Variants in STARD13 observed in about 807,000 individuals in gnomAD.
The protein encoded by STARD13 is stAR-related lipid transfer protein 13.
Under a neutral mutation model 106.4 loss-of-function variants are expected in STARD13, and 62 were observed. That is an observed-to-expected ratio of 0.58 (90% confidence interval 0.48 to 0.72). The LOEUF is 0.72. Among genes scored for constraint, STARD13 ranks in the 30% least tolerant of loss-of-function variants. STARD13 has a pLI of 0.00. For missense variants in STARD13, 1,387 were observed against 1,424.0 expected (o/e 0.97, Z 0.42); for synonymous variants, 565 against 553.0 (o/e 1.02, Z -0.31).
intron 1 of STARD13, among the ~76,000 whole-genome samples, chr13:33,234,096 G>A (rs140052490): frequency 3.0e-4 from 46 of 152,278 alleles, no homozygotes; most frequent in African/African-American, 9.9e-4. Flanking sequence ...TATAGCATAC[G>A]TACAAATAGA....
At chr13:33,651,944 T>C in the STARD13 span, among the ~76,000 whole-genome samples, 1 of 152,206 alleles carries the variant, frequency 6.6e-6, no homozygotes, top group Non-Finnish European at 1.5e-5. Flanking sequence ...CCAGATCAGC[T>C]GTCTGGCGAA....
chr13:33,235,628 A>G (rs1316729681), intron 1 of STARD13, among the ~76,000 whole-genome samples: 2 of 152,238 alleles, frequency 1.3e-5, no homozygotes, highest in Non-Finnish European at 2.9e-5. Context: ...TTACCAGAAA[A>G]GTCTGGTAGC....
the STARD13 span, among the ~76,000 whole-genome samples, chr13:33,510,062 A>G: frequency 5.3e-5 from 8 of 152,172 alleles, no homozygotes; most frequent in Non-Finnish European, 1.2e-4. Flanking sequence ...ATCAATCTTC[A>G]GTGGTTGCCC....
At chr13:33,661,625 G>A in the STARD13 span, among the ~76,000 whole-genome samples, 1 of 152,212 alleles carries the variant, frequency 6.6e-6, no homozygotes, top group African/African-American at 2.4e-5. Flanking sequence ...GAGAGAGAAT[G>A]AGTGCCAGCA....
chr13:33,434,352 C>CAAAAAAAAA, the STARD13 span, among the ~76,000 whole-genome samples: 14 of 70,278 alleles, frequency 2.0e-4, no homozygotes, highest in East Asian at 4.2e-4. Context: ...GACTCTGTCT[C>CAAAAAAAAA]AAAAAAAAAA....
At chr13:33,377,602 C>T in the STARD13 span, among the ~76,000 whole-genome samples, 1 of 149,756 alleles carries the variant, frequency 6.7e-6, no homozygotes, top group East Asian at 2.0e-4. Context: ...CCCGCTTATA[C>T]TCTCATCTCC....
the STARD13 span, among the ~76,000 whole-genome samples, chr13:33,564,854 A>C: frequency 6.9e-6 from 1 of 145,540 alleles, no homozygotes; most frequent in African/African-American, 2.5e-5. Flanking sequence ...TTAGCCGGGC[A>C]TGGTGGCACA....
chr13:33,430,161 C>T, the STARD13 span, among the ~76,000 whole-genome samples: 1 of 152,234 alleles, frequency 6.6e-6, no homozygotes, highest in African/African-American at 2.4e-5. Context: ...TAGTGATCCA[C>T]CCGCCTCGGC....
chr13:33,563,241 A>G, the STARD13 span, among the ~76,000 whole-genome samples: 6 of 147,394 alleles, frequency 4.1e-5, 2 homozygotes, highest in African/African-American at 1.5e-4. Flanking sequence ...TAAAATGTAT[A>G]TGGAACCACC....
At position 33,127,353 on chromosome 13, in the gene STARD13, T is replaced by C. The variant is rs1877335027; in HGVS notation, c.1922+20A>G. ...AGCTCTAGAGCCAAGGATCCCCTCCTAGGTGAATGTGCTACGCACCATGTC... is the reference window on the plus strand; with the variant it reads ...AGCTCTAGAGCCAAGGATCCCCTCCCAGGTGAATGTGCTACGCACCATGTC... On this transcript the variant is annotated intron_variant, in intron 6 of 13. Coordinates refer to ENST00000336934, the MANE Select transcript of STARD13 (RefSeq NM_178006.4). 1.9e-6 allele frequency: 3 copies of C among 1,549,808 alleles called. No individual in the cohort carries two copies. The highest frequency in any genetic ancestry group is 2.6e-6 in the Non-Finnish European group (3 of 1,150,024).
the STARD13 span, among the ~76,000 whole-genome samples, chr13:33,604,901 A>C: frequency 6.6e-6 from 1 of 152,198 alleles, no homozygotes; most frequent in Non-Finnish European, 1.5e-5. Context: ...AGACCAGTCC[A>C]GACAAAAATA....
intron 1 of STARD13, among the ~76,000 whole-genome samples, chr13:33,308,349 C>T (rs1892989838): frequency 6.6e-6 from 1 of 152,040 alleles, no homozygotes; most frequent in African/African-American, 2.4e-5. Context: ...GAAATAGACA[C>T]AAGTATAGGG....
intron 3 of STARD13, among the ~76,000 whole-genome samples, chr13:33,159,582 AT>A (rs1882386911): frequency 6.6e-6 from 1 of 152,330 alleles, no homozygotes; most frequent in East Asian, 1.9e-4. Context: ...TTTAAAATGT[AT>A]TTTTTCCTTA....
At chr13:33,116,964 T>TC (rs1175724854) in intron 8 of STARD13, among the ~76,000 whole-genome samples, 2 of 152,186 alleles carry the variant, frequency 1.3e-5, no homozygotes, top group Non-Finnish European at 2.9e-5. Context: ...CATGTCAAGG[T>TC]CCATTTCAGG....
At chr13:33,276,867 T>C (rs1891466164) in intron 1 of STARD13, 1 of 152,194 alleles carries the variant, frequency 6.6e-6, no homozygotes, top group African/African-American at 2.4e-5. Flanking sequence ...GCTCTGCCTC[T>C]GTCAGACCTT....
chr13:33,379,042 C>T, the STARD13 span, among the ~76,000 whole-genome samples: 3 of 151,058 alleles, frequency 2.0e-5, no homozygotes, highest in Admixed American at 6.6e-5. Context: ...CCTGGGAAGT[C>T]GAGGCTGTGG....
At chr13:33,257,944 T>G (rs991880740) in intron 1 of STARD13, among the ~76,000 whole-genome samples, 2 of 152,226 alleles carry the variant, frequency 1.3e-5, no homozygotes, top group African/African-American at 2.4e-5. Context: ...ACATAACAAG[T>G]GACAGGTTAT....
At chr13:33,666,344 A>G in the STARD13 span, among the ~76,000 whole-genome samples, 22 of 151,956 alleles carry the variant, frequency 1.4e-4, no homozygotes, top group Non-Finnish European at 3.1e-4. Flanking sequence ...CCTAGGCTGG[A>G]GTGCGGTGGC....
intron 1 of STARD13, among the ~76,000 whole-genome samples, chr13:33,260,360 G>A (rs1332922955): frequency 1.3e-5 from 2 of 152,232 alleles, no homozygotes; most frequent in Non-Finnish European, 2.9e-5. Flanking sequence ...TCTGGGAGCT[G>A]TGCTCGCTGC....
Sources: allele counts gnomAD v4.1 joint callset (sites outside exome capture counted in the v4.1 genomes callset), GRCh38; gene constraint gnomAD v4.1.1; transcripts MANE v1.5; gene names NCBI Gene and HGNC (gene_info 2026-07-23, HGNC 2026-07-21).